The following ZEB1 variants were observed in gnomAD, a reference collection of about 807,000 sequenced individuals.
ZEB1 encodes zinc finger E-box binding homeobox 1, also known as zinc finger E-box-binding homeobox 1.
Under a neutral mutation model 84.9 loss-of-function variants are expected in ZEB1, and 21 were observed. The ratio of observed to expected loss-of-function variants is 0.25; its 90% CI spans 0.18 to 0.36. The LOEUF (loss-of-function observed/expected upper bound fraction) is 0.36. Among genes scored for constraint, ZEB1 ranks in the 10% least tolerant of loss-of-function variants. The probability of loss-of-function intolerance (pLI) is 1.00; values close to 1 mark genes in which losing one functional copy is unlikely to be tolerated. For synonymous variants in ZEB1, 420 were observed against 471.1 expected, an observed-to-expected ratio of 0.89 and a Z score of 1.41; for missense variants, 1,104 against 1,330.2, an observed-to-expected ratio of 0.83 and a Z score of 2.65.
chr10:31,349,880 C>G (rs1252099905), intron 1 of ZEB1, among the ~76,000 whole-genome samples: 2 of 152,176 alleles, frequency 1.3e-5, no homozygotes, highest in East Asian at 3.9e-4. Flanking sequence ...TGTCTCTTCA[C>G]TCTTGATTGT....
At chr10:31,518,647 A>C (rs1277328389) in intron 6 of ZEB1, among the ~76,000 whole-genome samples, 1 of 152,166 alleles carries the variant, frequency 6.6e-6, no homozygotes, top group African/African-American at 2.4e-5. Flanking sequence ...GGACAGGTTA[A>C]GAAAATACTA....
rs112499722 is a variant in ZEB1, at chr10:31,450,910, C to CTGTG, written c.59-10114_59-10111dup. Among the ~76,000 whole-genome samples the CTGTG allele has an allele frequency of 2.5e-4, 36 of 146,648 alleles. 2 individuals carry two copies. Among genetic ancestry groups the CTGTG allele is most frequent in the African/African-American group, 8.8e-4 (35 of 39,550 alleles). Reference sequence around the variant, plus strand: ...TGTGTGCGTGCGTGCGCATGTGTGCCTGTGTGTGTGTGTGTGCACATGCAT... The same window carrying CTGTG: ...TGTGTGCGTGCGTGCGCATGTGTGCCTGTGTGTGTGTGTGTGTGTGCACATGCAT... On this transcript the variant is annotated intron_variant, in intron 1 of 8. Coordinates refer to ENST00000424869, the MANE Select transcript of ZEB1 (RefSeq NM_001174096.2).
At chr10:31,477,952 GCAAAGAATTTATGACTAAGACCC>G (rs1222852467) in intron 2 of ZEB1, among the ~76,000 whole-genome samples, 1 of 151,900 alleles carries the variant, frequency 6.6e-6, no homozygotes, top group Non-Finnish European at 1.5e-5. Context: ...ATTGGCTTAG[GCAAAGAATTTATGACTAAGACCC>G]CAAAAGAAAA....
intron 1 of ZEB1, among the ~76,000 whole-genome samples, chr10:31,329,168 T>G (rs1271132728): frequency 6.6e-6 from 1 of 152,164 alleles, no homozygotes; most frequent in Non-Finnish European, 1.5e-5. Context: ...AAAGAGTTCT[T>G]GTGTACTTAA....
intron 1 of ZEB1, among the ~76,000 whole-genome samples, chr10:31,440,876 A>G (rs2058864863): frequency 6.6e-6 from 1 of 152,218 alleles, no homozygotes; most frequent in Admixed American, 6.5e-5. Flanking sequence ...TTCAAGGAGA[A>G]CTACAAACCA....
At chr10:31,493,154 C>T (rs1375562507) in intron 2 of ZEB1, among the ~76,000 whole-genome samples, 2 of 151,980 alleles carry the variant, frequency 1.3e-5, no homozygotes, top group Non-Finnish European at 2.9e-5. Flanking sequence ...CTGGCAACCA[C>T]TAATCTCCAT....
chr10:31,390,510 T>C lies in ZEB1; in HGVS notation c.59-70527T>C, dbSNP rs11008481. Among the ~76,000 whole-genome samples the C allele has an allele frequency of 1.3e-4, 20 of 152,332 alleles. No homozygotes were observed. In the East Asian group the frequency reaches 2.5e-3, roughly 19 times the overall value. ...ATATAAGGTTTACGAAATTTTACAA[T>C]TTTTGAATGATTACTTGAATTTATA... On this transcript the variant is annotated intron_variant, in intron 1 of 8. Coordinates refer to ENST00000424869, the MANE Select transcript of ZEB1 (RefSeq NM_001174096.2).
chr10:31,363,720 G>T, intron 1 of ZEB1: 1 of 1,196,554 alleles, frequency 8.4e-7, no homozygotes, highest in Non-Finnish European at 1.2e-6. Context: ...TTATGGAGTT[G>T]TGAGGAGACA....
intron 1 of ZEB1, among the ~76,000 whole-genome samples, chr10:31,423,060 A>G (rs914389545): frequency 2.0e-5 from 3 of 151,962 alleles, no homozygotes; most frequent in Non-Finnish European, 2.9e-5. Context: ...ATATACATGT[A>G]TATATATAAA....
At chr10:31,408,393 A>G (rs1461754070) in intron 1 of ZEB1, among the ~76,000 whole-genome samples, 1 of 151,848 alleles carries the variant, frequency 6.6e-6, no homozygotes, top group Non-Finnish European at 1.5e-5. Context: ...GGAAAAAACT[A>G]CTTTAAAGTT....
chr10:31,325,033 A>G (rs1229111948), intron 1 of ZEB1, among the ~76,000 whole-genome samples: 2 of 152,184 alleles, frequency 1.3e-5, no homozygotes, highest in East Asian at 1.9e-4. Flanking sequence ...TAGTTTTACT[A>G]AATAAAAATT....
At chr10:31,437,545 G>A (rs1233256605) in intron 1 of ZEB1, among the ~76,000 whole-genome samples, 3 of 152,118 alleles carry the variant, frequency 2.0e-5, no homozygotes, top group Non-Finnish European at 4.4e-5. Context: ...TTCCAATGAA[G>A]GAGTAGAAAG....
intron 1 of ZEB1, among the ~76,000 whole-genome samples, chr10:31,452,736 TGTGTGTGAGAGAGAGAGAGAGAGA>T (rs1240493470): frequency 5.7e-4 from 64 of 112,968 alleles, no homozygotes; most frequent in African/African-American, 2.6e-3. Context: ...TGTGTGTGTG[TGTGTGTGAGAGAGAGAGAGAGAGA>T]GAGAGAGAGA....
At chr10:31,430,262 A>G (rs1282643640) in intron 1 of ZEB1, among the ~76,000 whole-genome samples, 1 of 152,180 alleles carries the variant, frequency 6.6e-6, no homozygotes, top group Non-Finnish European at 1.5e-5. Context: ...GTGTTTGTGT[A>G]CTGGGGAAAC....
At chr10:31,440,751 A>C (rs2136507695) in intron 1 of ZEB1, among the ~76,000 whole-genome samples, 1 of 152,334 alleles carries the variant, frequency 6.6e-6, no homozygotes, top group East Asian at 1.9e-4. Context: ...AAGCATTCTT[A>C]TACACCAATA....
At chr10:31,439,230 G>A (rs1564855745) in intron 1 of ZEB1, among the ~76,000 whole-genome samples, 2 of 151,996 alleles carry the variant, frequency 1.3e-5, no homozygotes, top group African/African-American at 2.4e-5. Context: ...TTCTATATCA[G>A]TACCAAACAA....
At chr10:31,510,162 G>A (rs557904304) in intron 4 of ZEB1, among the ~76,000 whole-genome samples, 1 of 152,106 alleles carries the variant, frequency 6.6e-6, no homozygotes, top group African/African-American at 2.4e-5. Flanking sequence ...TGGAAACATA[G>A]TGTGTGTGTA....
chr10:31,340,377 A>G (rs1188598011), intron 1 of ZEB1, among the ~76,000 whole-genome samples: 2 of 152,220 alleles, frequency 1.3e-5, no homozygotes, highest in African/African-American at 4.8e-5. Flanking sequence ...AACTCTAGCA[A>G]TATAGAAATC....
chr10:31,451,754 G>A (rs995373307), intron 1 of ZEB1, among the ~76,000 whole-genome samples: 2 of 152,194 alleles, frequency 1.3e-5, no homozygotes, highest in African/African-American at 4.8e-5. Flanking sequence ...GTGGATGGGA[G>A]TTTAGATAAA....
Sources: allele counts gnomAD v4.1 joint callset (sites outside exome capture counted in the v4.1 genomes callset), GRCh38; gene constraint gnomAD v4.1.1; transcripts MANE v1.5; gene names NCBI Gene and HGNC (gene_info 2026-07-23, HGNC 2026-07-21).